GALNTL6: variants seen among roughly 807,000 people sequenced by gnomAD.
GALNTL6 encodes the protein polypeptide N-acetylgalactosaminyltransferase like 6.
A neutral mutation model predicts 73.7 loss-of-function variants in GALNTL6; 46 were observed. That is an observed-to-expected ratio of 0.62 (90% CI 0.49 to 0.80). The LOEUF is 0.80. Among genes scored for constraint, GALNTL6 ranks in the 30% least tolerant of loss-of-function variants. The probability of loss-of-function intolerance (pLI) is 0.00; values close to 1 mark genes in which losing one functional copy is unlikely to be tolerated. For missense variants in GALNTL6, 604 were observed against 755.0 expected (o/e 0.80, Z 2.34); for synonymous variants, 259 against 263.7 (o/e 0.98, Z 0.17).
chr4:172,681,544 T>C (rs1732633468), intron 5 of GALNTL6, among the ~76,000 whole-genome samples: 1 of 152,234 alleles, frequency 6.6e-6, no homozygotes, highest in Non-Finnish European at 1.5e-5. Flanking sequence ...TAATACTTTA[T>C]AGCTCATAAA....
intron 5 of GALNTL6, among the ~76,000 whole-genome samples, chr4:172,600,110 C>CT (rs767367324): frequency 6.6e-6 from 1 of 152,016 alleles, no homozygotes; most frequent in Non-Finnish European, 1.5e-5. Flanking sequence ...TTCGGACACT[C>CT]TTTTTTTCAT....
chr4:172,452,373 GA>G (rs11370886), intron 5 of GALNTL6, among the ~76,000 whole-genome samples: 2,397 of 149,526 alleles, frequency 0.016, 61 homozygotes, highest in African/African-American at 0.053. Flanking sequence ...AGCAGCGAAA[GA>G]AAAAAAAAAT....
chr4:173,010,830 C>G (rs1393056278), intron 11 of GALNTL6, among the ~76,000 whole-genome samples: 1 of 150,612 alleles, frequency 6.6e-6, no homozygotes, highest in Non-Finnish European at 1.5e-5. Context: ...TGGTCTCGAT[C>G]TCCTGACCTC....
At chr4:172,912,977 C>A (rs1747296100) in intron 8 of GALNTL6, among the ~76,000 whole-genome samples, 2 of 152,318 alleles carry the variant, frequency 1.3e-5, no homozygotes, top group South Asian at 4.1e-4. Context: ...TAGGGGCCGA[C>A]TGACACCTCA....
At chr4:172,906,776 A>G (rs1175831374) in intron 8 of GALNTL6, among the ~76,000 whole-genome samples, 1 of 152,208 alleles carries the variant, frequency 6.6e-6, no homozygotes, top group African/African-American at 2.4e-5. Flanking sequence ...ATGACAACTT[A>G]CTTCTTCAAG....
chr4:172,372,231 CT>C (rs1368651358), intron 5 of GALNTL6, among the ~76,000 whole-genome samples: 1 of 152,184 alleles, frequency 6.6e-6, no homozygotes, highest in Non-Finnish European at 1.5e-5. Context: ...GGGCATAAGT[CT>C]GGACTATAAT....
chr4:172,732,947 T>C (rs1001947406), intron 5 of GALNTL6, among the ~76,000 whole-genome samples: 1 of 152,226 alleles, frequency 6.6e-6, no homozygotes, highest in Non-Finnish European at 1.5e-5. Flanking sequence ...TTGTTTTTGA[T>C]AAATTTTTCT....
rs184170954 is a variant in GALNTL6, at chr4:172,670,186, G to T, written c.554-139175G>T. ...TATATTCCAGTAATGGGATTGCTGG[G>T]TCAAATGCCATTTCTCATATTGGGT... On this transcript the variant is annotated intron_variant, in intron 5 of 12. Transcript: ENST00000506823. Among the ~76,000 whole-genome samples, 664 of 152,170 alleles carry T rather than the reference G, an allele frequency of 4.4e-3. 6 individuals carry two copies. The highest frequency in any genetic ancestry group is 0.015 in the African/African-American group (617 of 41,518).
chr4:172,615,747 T>C (rs1476423779), intron 5 of GALNTL6, among the ~76,000 whole-genome samples: 2 of 152,180 alleles, frequency 1.3e-5, no homozygotes, highest in Non-Finnish European at 2.9e-5. Flanking sequence ...GTTTAATTTA[T>C]AATCTAAATT....
intron 2 of GALNTL6, among the ~76,000 whole-genome samples, chr4:172,159,071 GTAC>G (rs1364351886): frequency 1.3e-5 from 2 of 152,264 alleles, no homozygotes; most frequent in East Asian, 3.9e-4. Context: ...CATTTGTTGA[GTAC>G]CTATCAGGGC....
intron 5 of GALNTL6, among the ~76,000 whole-genome samples, chr4:172,541,770 A>T (rs1182340889): frequency 2.0e-5 from 3 of 152,140 alleles, no homozygotes; most frequent in Non-Finnish European, 4.4e-5. Flanking sequence ...ATGCATGCTC[A>T]CTTGAGGCAT....
chr4:172,158,088 T>C (rs1734339393), intron 2 of GALNTL6, among the ~76,000 whole-genome samples: 1 of 152,218 alleles, frequency 6.6e-6, no homozygotes, highest in Admixed American at 6.5e-5. Context: ...GACCTCAATA[T>C]GCTGTTGGCC....
chr4:171,937,207 G>C (rs780636043), intron 2 of GALNTL6, among the ~76,000 whole-genome samples: 3 of 152,100 alleles, frequency 2.0e-5, no homozygotes, highest in Non-Finnish European at 4.4e-5. Flanking sequence ...TTTAGGGAAA[G>C]CAATTCACTG....
intron 8 of GALNTL6, among the ~76,000 whole-genome samples, chr4:172,905,491 G>C (rs955429763): frequency 6.6e-6 from 1 of 152,058 alleles, no homozygotes; most frequent in African/African-American, 2.4e-5. Context: ...ATTGAGTACA[G>C]AGCATTTAGT....
At chr4:173,037,482 C>G (rs545906102) in intron 12 of GALNTL6, among the ~76,000 whole-genome samples, 3 of 152,212 alleles carry the variant, frequency 2.0e-5, no homozygotes, top group Non-Finnish European at 2.9e-5. Flanking sequence ...CTTGGTTCAG[C>G]CCAGGAGTAC....
intron 5 of GALNTL6, among the ~76,000 whole-genome samples, chr4:172,766,466 C>T (rs930303535): frequency 2.0e-5 from 3 of 151,864 alleles, no homozygotes; most frequent in Non-Finnish European, 2.9e-5. Context: ...TCTGTGGATG[C>T]GTTCAATGTC....
chr4:172,454,803 A>C (rs1732330880), intron 5 of GALNTL6, among the ~76,000 whole-genome samples: 1 of 152,206 alleles, frequency 6.6e-6, no homozygotes, highest in South Asian at 2.1e-4. Flanking sequence ...CAGGCTTCCC[A>C]GTGTAGCTCT....
intron 5 of GALNTL6, among the ~76,000 whole-genome samples, chr4:172,769,476 A>C (rs1250126047): frequency 1.3e-5 from 2 of 152,172 alleles, no homozygotes; most frequent in Non-Finnish European, 2.9e-5. Context: ...TCATTGAACC[A>C]TTTCAGAAAG....
chr4:172,533,002 C>A (rs1408987139), intron 5 of GALNTL6, among the ~76,000 whole-genome samples: 2 of 145,594 alleles, frequency 1.4e-5, no homozygotes, highest in African/African-American at 5.0e-5. Flanking sequence ...AAAAACATTA[C>A]ATTTTTGTAG....
Sources: gnomAD v4.1 joint callset for allele counts (sites outside exome capture counted in the v4.1 genomes callset) on GRCh38, gnomAD v4.1.1 for gene constraint, MANE v1.5 for transcripts, NCBI Gene and HGNC (gene_info 2026-07-23, HGNC 2026-07-21) for gene names.